VAMP7: variants seen among roughly 807,000 people sequenced by gnomAD.
The protein encoded by VAMP7 is vesicle associated membrane protein 7.
In VAMP7, 14 loss-of-function variants were observed where a neutral mutation model predicts 29.6. The observed-to-expected ratio is 0.47, with a 90% CI of 0.31 to 0.74. The LOEUF (loss-of-function observed/expected upper bound fraction) is 0.74, where lower values mean the gene tolerates loss of function less well. VAMP7 is among the 30% of genes least tolerant of loss of function. The probability of loss-of-function intolerance (pLI) is 0.05; values close to 1 mark genes in which losing one functional copy is unlikely to be tolerated. For synonymous variants in VAMP7, 95 were observed against 88.1 expected (o/e 1.08, Z -0.44); for missense variants, 223 against 262.4 (o/e 0.85, Z 1.04).
intron 1 of VAMP7, among the ~76,000 whole-genome samples, chrX:155,882,443 C>T (rs1325460022): frequency 3.3e-5 from 5 of 152,192 alleles, no homozygotes; most frequent in Non-Finnish European, 5.9e-5. Flanking sequence ...AGGGCATCGT[C>T]CAGAAAGAAT....
chrX:155,934,333 C>G (rs1362407908), intron 6 of VAMP7, among the ~76,000 whole-genome samples: 1 of 152,150 alleles, frequency 6.6e-6, no homozygotes, highest in Non-Finnish European at 1.5e-5. Context: ...GTATGGGAGT[C>G]TAAGTCTCTT....
At chrX:155,928,830 G>GT (rs1433117792) in intron 6 of VAMP7, among the ~76,000 whole-genome samples, 1 of 152,160 alleles carries the variant, frequency 6.6e-6, no homozygotes, top group African/African-American at 2.4e-5. Context: ...CCTGAGAGTG[G>GT]TGGAGGAATC....
At chrX:155,929,332 T>C (rs1569449294) in intron 6 of VAMP7, among the ~76,000 whole-genome samples, 1 of 152,200 alleles carries the variant, frequency 6.6e-6, no homozygotes, top group Non-Finnish European at 1.5e-5. Flanking sequence ...AGAATTTACA[T>C]TAAAATAGCA....
intron 5 of VAMP7, among the ~76,000 whole-genome samples, chrX:155,918,607 C>T (rs192941727): frequency 2.0e-5 from 3 of 152,256 alleles, no homozygotes; most frequent in Non-Finnish European, 4.4e-5. Context: ...AACGCCCCAC[C>T]CTGCTTCGGC....
chrX:155,900,941 T>A (rs2066052636), intron 5 of VAMP7, among the ~76,000 whole-genome samples: 1 of 152,082 alleles, frequency 6.6e-6, no homozygotes, highest in African/African-American at 2.4e-5. Context: ...CATAGGTTCT[T>A]TAGCACAGTG....
At chrX:155,911,546 T>C (rs2066237604) in intron 5 of VAMP7, among the ~76,000 whole-genome samples, 1 of 152,150 alleles carries the variant, frequency 6.6e-6, no homozygotes, top group South Asian at 2.1e-4. Context: ...TTTGGGCTTA[T>C]GGTCATTTTA....
intron 5 of VAMP7, among the ~76,000 whole-genome samples, chrX:155,916,485 G>T (rs976411408): frequency 5.9e-5 from 9 of 152,112 alleles, no homozygotes; most frequent in African/African-American, 1.9e-4. Flanking sequence ...TTTTTGCAGT[G>T]GCTGGTACTG....
At chrX:155,894,301 GTTT>G (rs1195549080) in intron 2 of VAMP7, among the ~76,000 whole-genome samples, 1 of 64,884 alleles carries the variant, frequency 1.5e-5, no homozygotes. Context: ...TGTGTCCTTT[GTTT>G]TTTTTTTTTT....
intron 6 of VAMP7, among the ~76,000 whole-genome samples, chrX:155,935,024 T>C (rs1012861156): frequency 6.6e-6 from 1 of 152,210 alleles, no homozygotes; most frequent in African/African-American, 2.4e-5. Flanking sequence ...TTTTGGATAT[T>C]GGCCCCCACT....
intron 6 of VAMP7, among the ~76,000 whole-genome samples, chrX:155,930,717 A>T (rs1429345617): frequency 1.3e-5 from 2 of 149,126 alleles, no homozygotes; most frequent in African/African-American, 4.9e-5. Flanking sequence ...AAATATATAT[A>T]TTTTTTATTA....
chrX:155,935,511 A>G (rs2066637683), intron 6 of VAMP7, among the ~76,000 whole-genome samples: 1 of 152,046 alleles, frequency 6.6e-6, no homozygotes, highest in Non-Finnish European at 1.5e-5. Context: ...AAGTTTGTGC[A>G]TTCGTCACTT....
chrX:155,906,566 A>T (rs1419766270), intron 5 of VAMP7, among the ~76,000 whole-genome samples: 1 of 151,910 alleles, frequency 6.6e-6, no homozygotes, highest in Non-Finnish European at 1.5e-5. Context: ...GTTCCTAAGT[A>T]TTTTTTTATG....
chrX:155,903,704 C>T (rs948191743), intron 5 of VAMP7, among the ~76,000 whole-genome samples: 1 of 152,136 alleles, frequency 6.6e-6, no homozygotes, highest in African/African-American at 2.4e-5. Flanking sequence ...AGTCAGGAAA[C>T]AACAGTTACT....
At chrX:155,908,069 T>C (rs1269644030) in intron 5 of VAMP7, among the ~76,000 whole-genome samples, 1 of 150,070 alleles carries the variant, frequency 6.7e-6, no homozygotes, top group Admixed American at 6.6e-5. Context: ...CTCCTCACTT[T>C]CCAGACTGGG....
At chrX:155,908,021 C>T (rs1602956134) in intron 5 of VAMP7, among the ~76,000 whole-genome samples, 1 of 151,638 alleles carries the variant, frequency 6.6e-6, no homozygotes, top group East Asian at 1.9e-4. Flanking sequence ...CAGAGACGCT[C>T]CTCACTTCCT....
At chrX:155,921,014 G>A (rs1037578367) in intron 6 of VAMP7, among the ~76,000 whole-genome samples, 6 of 152,126 alleles carry the variant, frequency 3.9e-5, no homozygotes, top group Non-Finnish European at 8.8e-5. Context: ...TTGCTGGGGA[G>A]CAAAGAAAAC....
chrX:155,883,707 CTTTTT>C (rs766827269), intron 1 of VAMP7, among the ~76,000 whole-genome samples: 3 of 125,476 alleles, frequency 2.4e-5, no homozygotes, highest in African/African-American at 6.0e-5. Context: ...AGAAACACAT[CTTTTT>C]TTTTTTTTTT....
intron 2 of VAMP7, among the ~76,000 whole-genome samples, chrX:155,890,690 A>C (rs996539441): frequency 5.3e-5 from 8 of 151,952 alleles, no homozygotes; most frequent in African/African-American, 1.9e-4. Flanking sequence ...TAGAAAGATC[A>C]CTCTGGTGGC....
chrX:155,912,693 TC>T (rs1378730911), intron 5 of VAMP7, among the ~76,000 whole-genome samples: 20 of 152,278 alleles, frequency 1.3e-4, no homozygotes, highest in African/African-American at 4.8e-4. Flanking sequence ...CATGAACTCC[TC>T]CTTTTTTATG....
Sources: gnomAD v4.1 joint callset for allele counts (sites outside exome capture counted in the v4.1 genomes callset) on GRCh38, gnomAD v4.1.1 for gene constraint, MANE v1.5 for transcripts, NCBI Gene and HGNC (gene_info 2026-07-23, HGNC 2026-07-21) for gene names.